NRDE2: variants seen among roughly 807,000 people sequenced by gnomAD.
NRDE2 encodes the protein nuclear exosome regulator NRDE2.
NRDE2 carries 76 observed loss-of-function variants against 124.2 expected under a neutral mutation model. That is an observed-to-expected ratio of 0.61 (90% CI 0.51 to 0.74). NRDE2 has a LOEUF of 0.74. NRDE2 is among the 30% of genes least tolerant of loss of function. The probability of loss-of-function intolerance (pLI) is 0.00; values close to 1 mark genes in which losing one functional copy is unlikely to be tolerated. For synonymous variants in NRDE2, 489 were observed against 528.1 expected (o/e 0.93, Z 1.01); for missense variants, 1,314 against 1,417.3 (o/e 0.93, Z 1.17).
chr14:90,278,558 C>A, intron 13 of NRDE2, 97 bp from the exon 14 acceptor site: 1 of 1,487,204 alleles, frequency 6.7e-7, no homozygotes, highest in South Asian at 1.2e-5. Context: ...GTGACCCTGC[C>A]CTCCTGTCGC....
intron 12 of NRDE2, among the ~76,000 whole-genome samples, chr14:90,285,752 C>A (rs1892086129): frequency 6.6e-6 from 1 of 152,122 alleles, no homozygotes; most frequent in South Asian, 2.1e-4. Flanking sequence ...CCTGCCTCAA[C>A]CTCTGATGTA....
intron 1 of NRDE2, among the ~76,000 whole-genome samples, chr14:90,325,386 AG>A (rs33947706): frequency 0.035 from 5,298 of 152,214 alleles, 267 homozygotes; most frequent in African/African-American, 0.12. Flanking sequence ...CCAGAACTGA[AG>A]GGGTCAGATG....
Position 90,270,964 on chromosome 14 carries a change from G to A in NRDE2, c.*7372C>T, listed in dbSNP as rs981920799. On this transcript the variant is annotated 3_prime_UTR_variant, in exon 14 of 14. Transcript: ENST00000354366. ...GCCTTTCCAGGCCAGCACCTGCCCT[G>A]AGCCCACGGATCATTGGCAGTTAGT... 1 of 152,204 alleles carries A rather than the reference G, an allele frequency of 6.6e-6. No individual in the cohort carries two copies. The highest frequency in any genetic ancestry group is 1.5e-5 in the Non-Finnish European group (1 of 68,046). The allele number at this position is 152,204 out of a possible 1,614,324, so 9.4% of individuals were successfully genotyped here. A position where few individuals can be genotyped will look rare whatever the true frequency, so the allele number is the denominator to read the frequency against.
chr14:90,303,935 C>A lies in NRDE2; in HGVS notation c.1005G>T (p.Gln335His). The change falls in exon 5 of 14, where the codon CAG becomes CAT. Residue 335 changes from glutamine (Q) to histidine (H), a missense_variant and splice_region_variant. Physicochemically the swap from Gln to His is conservative, Grantham distance 24 (BLOSUM62 0). Transcript: ENST00000354366. ...TQLWMAFVAF[Q>H]DEVMKSPGLY... is the part of the protein sequence containing the mutation. ...AGAGAATTGGGATGGCAACACATAC[C>A]TGAAAAGCAACAAATGCCATCCACA... 6.3e-7 allele frequency: 1 copy of A among 1,599,218 alleles called. No individual in the cohort carries two copies. Among genetic ancestry groups the A allele is most frequent in the Non-Finnish European group, 8.5e-7 (1 of 1,170,858 alleles).
At chr14:90,286,293 T>A in intron 12 of NRDE2, 61 bp downstream of exon 12, 1 of 1,538,504 alleles carries the variant, frequency 6.5e-7, no homozygotes, top group South Asian at 1.2e-5. Flanking sequence ...AAATACCTTC[T>A]CATTTATGAA....
chr14:90,292,111 G>T (rs967003242), intron 9 of NRDE2, among the ~76,000 whole-genome samples: 23 of 152,178 alleles, frequency 1.5e-4, no homozygotes, highest in African/African-American at 5.3e-4. Flanking sequence ...CAAGTCACAC[G>T]GTAACAGTAA....
In NRDE2 at chr14:90,331,876, A is replaced by C. The variant is rs1885721632; in HGVS notation, c.29T>G (p.Leu10Arg). MALFPAFAG[L>R]SEAPDGGSSR... ...GCTCCCGCCATCGGGAGCCTCACTA[A>C]GCCCCGCAAAGGCTGGGAACAGCGC... Residue 10 changes from leucine to arginine, a missense_variant, in exon 1 of 14, where the codon CTT (leucine) becomes CGT (arginine). By Grantham distance (102) the Leu-to-Arg change is moderately radical (BLOSUM62 -2). Transcript: ENST00000354366. The C allele has an allele frequency of 6.2e-7, 1 of 1,614,006 alleles. No individual in the cohort carries two copies.
rs1288564392 is a variant in NRDE2 at position 90,275,121 on chromosome 14, T to C, written c.*3215A>G. The C allele has an allele frequency of 1.3e-5, 2 of 152,228 alleles. No individual in the cohort carries two copies. The highest frequency in any genetic ancestry group is 2.9e-5 in the Non-Finnish European group (2 of 68,066). 9.4% of individuals were successfully genotyped at this position (152,228 alleles called of 1,614,324 possible). On this transcript the variant is annotated 3_prime_UTR_variant, in exon 14 of 14. Transcript: ENST00000354366. ...GGCAAACACAAACTGAGGAACATTC[T>C]ACAAATTCAGAACACTTCAAAAGTA... is the stretch of plus-strand genomic sequence containing the variant.
At chr14:90,317,905 C>A in intron 2 of NRDE2, 100 bp downstream of exon 2, 1 of 756,372 alleles carries the variant, frequency 1.3e-6, no homozygotes, top group Non-Finnish European at 2.2e-6. Flanking sequence ...AAGAGTTTTA[C>A]ATACCTCTTT....
intron 3 of NRDE2, among the ~76,000 whole-genome samples, chr14:90,315,029 T>C (rs1026007624): frequency 5.9e-5 from 9 of 151,426 alleles, no homozygotes; most frequent in African/African-American, 2.2e-4. Flanking sequence ...ACACAAAAAT[T>C]AGCCGGGCGT....
intron 1 of NRDE2, among the ~76,000 whole-genome samples, chr14:90,323,877 C>G (rs1885326528): frequency 6.6e-6 from 1 of 152,144 alleles, no homozygotes; most frequent in Non-Finnish European, 1.5e-5. Flanking sequence ...TTATCTGAGT[C>G]TCTTTTTTTT....
At chr14:90,326,318 C>A (rs1412690634) in intron 1 of NRDE2, among the ~76,000 whole-genome samples, 4 of 151,626 alleles carry the variant, frequency 2.6e-5, no homozygotes, top group Admixed American at 2.0e-4. Flanking sequence ...CAAGGTGAAA[C>A]CCCGTCTCTA....
chr14:90,298,041 T>A (rs916099209), intron 8 of NRDE2, among the ~76,000 whole-genome samples: 1 of 152,120 alleles, frequency 6.6e-6, no homozygotes, highest in African/African-American at 2.4e-5. Flanking sequence ...TACAGAAACT[T>A]TCAAATCCTC....
chr14:90,331,616 C>A (rs1355084661), intron 1 of NRDE2, among the ~76,000 whole-genome samples: 1 of 152,218 alleles, frequency 6.6e-6, no homozygotes, highest in Non-Finnish European at 1.5e-5. Flanking sequence ...AGGGCATCTG[C>A]TGGTCTTTCT....
At chr14:90,284,411 C>T (rs774921478) in intron 12 of NRDE2, among the ~76,000 whole-genome samples, 4 of 148,640 alleles carry the variant, frequency 2.7e-5, no homozygotes, top group Non-Finnish European at 5.9e-5. Flanking sequence ...TGCAGTGGTG[C>T]GATCTCAGCT....
intron 1 of NRDE2, among the ~76,000 whole-genome samples, chr14:90,328,563 C>T (rs964844665): frequency 4.6e-5 from 7 of 152,166 alleles, no homozygotes; most frequent in Admixed American, 4.6e-4. Context: ...GTTGCAAACA[C>T]ATGAATCCAC....
intron 4 of NRDE2, among the ~76,000 whole-genome samples, chr14:90,309,124 A>G (rs567953506): frequency 1.1e-4 from 16 of 152,012 alleles, no homozygotes; most frequent in Non-Finnish European, 2.1e-4. Flanking sequence ...TTACCTTCCC[A>G]GAGTCCATGC....
intron 7 of NRDE2, among the ~76,000 whole-genome samples, chr14:90,300,982 C>T (rs1195336740): frequency 6.9e-6 from 1 of 144,954 alleles, no homozygotes; most frequent in Non-Finnish European, 1.5e-5. Flanking sequence ...CTCAGAGAGC[C>T]TTTATGTTGT....
At chr14:90,287,033 CAAAAAAAAA>C (rs60863011) in intron 11 of NRDE2, among the ~76,000 whole-genome samples, 553 of 23,756 alleles carry the variant, frequency 0.023, 2 homozygotes, top group African/African-American at 0.049. Flanking sequence ...GACTCCGTCT[CAAAAAAAAA>C]AAAAAAAAAA....
Sources: gnomAD v4.1 joint callset for allele counts (sites outside exome capture counted in the v4.1 genomes callset) on GRCh38, gnomAD v4.1.1 for gene constraint, MANE v1.5 for transcripts, NCBI Gene and HGNC (gene_info 2026-07-23, HGNC 2026-07-21) for gene names.